The following TUSC3 variants were observed in gnomAD, a reference collection of about 807,000 sequenced individuals.
TUSC3 encodes the protein dolichyl-diphosphooligosaccharide--protein glycosyltransferase subunit TUSC3.
In TUSC3, 45 loss-of-function variants were observed where a neutral mutation model predicts 44.8. That is an observed-to-expected ratio of 1.00 (90% CI 0.79 to 1.29). The LOEUF (loss-of-function observed/expected upper bound fraction) is 1.29, where lower values mean the gene tolerates loss of function less well. Ranked by LOEUF, TUSC3 falls within the 50% of genes most tolerant of loss-of-function variation. TUSC3 has a pLI of 0.00. For missense variants in TUSC3, 519 were observed against 437.9 expected, an observed-to-expected ratio of 1.19 and a Z score of -1.65; for synonymous variants, 212 against 152.9, an observed-to-expected ratio of 1.39 and a Z score of -2.85.
In TUSC3 at chr8:15,628,820, C is replaced by T. The variant is rs1250408228; in HGVS notation, c.308+5571C>T. 6.6e-5 allele frequency among the ~76,000 whole-genome samples: 10 copies of T among 152,260 alleles called. No homozygotes were observed. In the East Asian group the frequency reaches 1.7e-3, roughly 26 times the overall value. On this transcript the variant is annotated intron_variant, in intron 2 of 10. Coordinates refer to ENST00000503731, the MANE Select transcript of TUSC3 (RefSeq NM_006765.4). ...TACTGAGCAATTTAGTAGCAAGAAC[C>T]ATGCTCCTTTGGAATGGTCCTGTTT...
At chr8:15,436,966 A>G (rs973803461) in intron 1 of TUSC3, among the ~76,000 whole-genome samples, 1 of 152,206 alleles carries the variant, frequency 6.6e-6, no homozygotes, top group Admixed American at 6.5e-5. Context: ...ATTTATAGCG[A>G]TTCTCACAAT....
chr8:15,432,134 A>G (rs1252079519), intron 1 of TUSC3, among the ~76,000 whole-genome samples: 1 of 151,980 alleles, frequency 6.6e-6, no homozygotes, highest in Admixed American at 6.6e-5. Flanking sequence ...TAAAATGAGT[A>G]TGGAAGTGTT....
At chr8:15,561,736 C>T (rs150702360) in intron 1 of TUSC3, 10,948 of 146,714 alleles carry the variant, frequency 0.075, 873 homozygotes, top group African/African-American at 0.19. Context: ...GTCGGAAAAG[C>T]GCAGTATTCG....
intron 1 of TUSC3, among the ~76,000 whole-genome samples, chr8:15,587,657 C>G (rs1217489314): frequency 6.6e-6 from 1 of 152,060 alleles, no homozygotes; most frequent in African/African-American, 2.4e-5. Context: ...CTATAGAACA[C>G]TAGAACTTAT....
intron 1 of TUSC3, among the ~76,000 whole-genome samples, chr8:15,601,282 C>T (rs898595370): frequency 2.6e-5 from 4 of 151,590 alleles, no homozygotes; most frequent in African/African-American, 9.7e-5. Context: ...CATTGTTTCC[C>T]CCCCGTTGCC....
intron 6 of TUSC3, among the ~76,000 whole-genome samples, chr8:15,699,973 A>G (rs1179481589): frequency 1.3e-5 from 2 of 152,174 alleles, no homozygotes; most frequent in Admixed American, 6.5e-5. Context: ...GGGCATTCCA[A>G]TATTGCAACA....
At chr8:15,780,600 C>CG in the TUSC3 span, among the ~76,000 whole-genome samples, 1 of 152,214 alleles carries the variant, frequency 6.6e-6, no homozygotes, top group Non-Finnish European at 1.5e-5. Flanking sequence ...CCATTAGCTT[C>CG]TGACTAGTCT....
intron 2 of TUSC3, among the ~76,000 whole-genome samples, chr8:15,509,607 CA>C (rs567695312): frequency 8.2e-4 from 119 of 144,324 alleles, no homozygotes; most frequent in East Asian, 6.4e-3. Context: ...GACACCATCT[CA>C]AAAAAAAAAA....
At chr8:15,667,954 T>A (rs936412921) in intron 5 of TUSC3, among the ~76,000 whole-genome samples, 6 of 151,788 alleles carry the variant, frequency 4.0e-5, no homozygotes, top group African/African-American at 1.4e-4. Context: ...TAAAGGAGGA[T>A]GCCTTGAGCC....
chr8:15,461,336 C>T (rs748218511), intron 1 of TUSC3, among the ~76,000 whole-genome samples: 1 of 151,982 alleles, frequency 6.6e-6, no homozygotes, highest in African/African-American at 2.4e-5. Context: ...TGATTCTCTG[C>T]TTGGTCACTG....
chr8:15,476,861 C>A (rs755231082), intron 1 of TUSC3, among the ~76,000 whole-genome samples: 39 of 152,174 alleles, frequency 2.6e-4, no homozygotes, highest in South Asian at 4.1e-4. Flanking sequence ...AAGTTTTTCA[C>A]AACCAATGAC....
intron 1 of TUSC3, among the ~76,000 whole-genome samples, chr8:15,426,309 ATTG>A (rs1173113831): frequency 6.6e-6 from 1 of 152,194 alleles, no homozygotes; most frequent in African/African-American, 2.4e-5. Context: ...AAAATACCAT[ATTG>A]TTAACTATAG....
At chr8:15,427,241 TTTAG>T (rs1357432916) in intron 1 of TUSC3, among the ~76,000 whole-genome samples, 8 of 151,208 alleles carry the variant, frequency 5.3e-5, no homozygotes, top group South Asian at 2.1e-4. Context: ...TTTTTTTTTT[TTTAG>T]TTTAGTTTAA....
chr8:15,629,909 A>G (rs1337161178), intron 2 of TUSC3, among the ~76,000 whole-genome samples: 3 of 152,046 alleles, frequency 2.0e-5, no homozygotes, highest in African/African-American at 4.8e-5. Context: ...TTTGGAATTC[A>G]ATTCTCACCT....
At chr8:15,555,776 G>C (rs1195529029) in intron 1 of TUSC3, among the ~76,000 whole-genome samples, 1 of 151,362 alleles carries the variant, frequency 6.6e-6, no homozygotes, top group Non-Finnish European at 1.5e-5. Flanking sequence ...AGCAACATTT[G>C]ATCATTTATT....
chr8:15,662,008 A>G, intron 4 of TUSC3, 148 bp from the exon 5 acceptor site: 1 of 832,150 alleles, frequency 1.2e-6, no homozygotes, highest in Non-Finnish European at 1.9e-6. Context: ...ATCTTATGGC[A>G]GAATGAAAGT....
intron 6 of TUSC3, 88 bp downstream of exon 6, chr8:15,673,924 A>G: frequency 8.5e-7 from 1 of 1,173,140 alleles, no homozygotes; most frequent in Non-Finnish European, 1.2e-6. Context: ...TTAGTAGGAA[A>G]AGATTCTGTT....
intron 6 of TUSC3, among the ~76,000 whole-genome samples, chr8:15,727,811 T>C (rs542077752): frequency 6.6e-6 from 1 of 152,340 alleles, no homozygotes; most frequent in South Asian, 2.1e-4. Context: ...TGATTACATT[T>C]GATCACTTAC....
the TUSC3 span, among the ~76,000 whole-genome samples, chr8:15,784,260 G>A: frequency 6.6e-6 from 1 of 152,110 alleles, no homozygotes; most frequent in Non-Finnish European, 1.5e-5. Context: ...ATGTACATCA[G>A]TACAGCCATT....
Sources: gnomAD v4.1 joint callset for allele counts (sites outside exome capture counted in the v4.1 genomes callset) on GRCh38, gnomAD v4.1.1 for gene constraint, MANE v1.5 for transcripts, NCBI Gene and HGNC (gene_info 2026-07-23, HGNC 2026-07-21) for gene names.